The following SPOCK2 variants were observed in gnomAD, a reference collection of about 807,000 sequenced individuals.
SPOCK2 encodes testican-2.
SPOCK2 carries 39 observed loss-of-function variants against 60.1 expected under a neutral mutation model. That is an observed-to-expected ratio of 0.65 (90% confidence interval 0.50 to 0.85). The LOEUF is 0.85. Ranked by LOEUF, SPOCK2 falls within the 40% of genes least tolerant of loss-of-function variation. The pLI is 0.00. For synonymous variants in SPOCK2, 217 were observed against 231.5 expected (o/e 0.94, Z 0.57); for missense variants, 523 against 567.4 (o/e 0.92, Z 0.80).
rs1206104984 is a variant in SPOCK2, at chr10:72,087,440, C to T, written c.189+700G>A. On this transcript the variant is annotated intron_variant, in intron 1 of 10. Transcript: ENST00000373109. This position sits in a 1 kb window ranked among gnomAD's most constrained non-coding sequence, Gnocchi z 4.7. Reference sequence around the variant, plus strand: ...CTTCCTCTGGCTCCGAGCTGCTCCCCTCGCTCCAGGCTGGATTCCCCCCTG... The same window carrying T: ...CTTCCTCTGGCTCCGAGCTGCTCCCTTCGCTCCAGGCTGGATTCCCCCCTG... Among the ~76,000 whole-genome samples, 1 of 152,202 alleles carries T rather than the reference C, an allele frequency of 6.6e-6. No individual in the cohort carries two copies. Among genetic ancestry groups the T allele is most frequent in the East Asian group, 1.9e-4 (1 of 5,174 alleles).
chr10:72,070,204 A>G, intron 5 of SPOCK2, 108 bp downstream of exon 5: 1 of 1,038,384 alleles, frequency 9.6e-7, no homozygotes, highest in Non-Finnish European at 1.4e-6. Flanking sequence ...ATCTGGCCCC[A>G]CCTCAGTCCT....
chr10:72,080,689 A>G (rs201550529), intron 1 of SPOCK2, among the ~76,000 whole-genome samples: 1 of 152,122 alleles, frequency 6.6e-6, no homozygotes, highest in African/African-American at 2.4e-5. Context: ...AGAGGCTGTG[A>G]TAGGCCTGGA....
In SPOCK2 at chr10:72,088,438, G is replaced by C; in HGVS notation, c.-110C>G. 7.7e-7 allele frequency: 1 copy of C among 1,302,232 alleles called. No individual in the cohort carries two copies. Among genetic ancestry groups the C allele is most frequent in the Non-Finnish European group, 1.0e-6 (1 of 981,522 alleles). 80.7% of individuals were successfully genotyped at this position (1,302,232 alleles called of 1,614,324 possible). ...CGCGGCTGTCCTCAGCTCTCCTCCC[G>C]CGGTCTGCCTCCGGTGACTGGCGGA... On this transcript the variant is annotated 5_prime_UTR_variant, in exon 1 of 11. Coordinates refer to ENST00000373109, the MANE Select transcript of SPOCK2 (RefSeq NM_001244950.2).
rs1206219628 is a variant in SPOCK2, at chr10:72,088,379, G to A, written c.-51C>T. On this transcript the variant is annotated 5_prime_UTR_variant, in exon 1 of 11. Coordinates refer to ENST00000373109, the MANE Select transcript of SPOCK2 (RefSeq NM_001244950.2). ...GTCTTGACTTCTGCAGTATTTTAAT[G>A]TCCTTCCTCCCACCCCGCTGCTGGC... 3 of 1,461,814 alleles carry A rather than the reference G, an allele frequency of 2.1e-6. No homozygotes were observed. The highest frequency in any genetic ancestry group is 2.5e-5 in the East Asian group (1 of 40,700). 90.6% of individuals were successfully genotyped at this position (1,461,814 alleles called of 1,614,324 possible). A position where few individuals can be genotyped will look rare whatever the true frequency, so the allele number is the denominator to read the frequency against.
At chr10:72,080,470 G>A (rs773207159) in intron 1 of SPOCK2, among the ~76,000 whole-genome samples, 4 of 152,188 alleles carry the variant, frequency 2.6e-5, no homozygotes, top group Non-Finnish European at 4.4e-5. Context: ...AATAGCCACA[G>A]GGCACAGACA....
chr10:72,066,501 C>A (rs1230406801), intron 8 of SPOCK2, among the ~76,000 whole-genome samples: 1 of 118,204 alleles, frequency 8.5e-6, no homozygotes, highest in South Asian at 2.5e-4. Context: ...CCATGCCTGG[C>A]TATTTTTTTT....
intron 5 of SPOCK2, 41 bp downstream of exon 5, chr10:72,070,271 G>C: frequency 1.9e-6 from 3 of 1,600,654 alleles, no homozygotes; most frequent in Non-Finnish European, 1.7e-6. Flanking sequence ...GTGGCCTCAG[G>C]TGACTCCACC....
intron 4 of SPOCK2, 137 bp from the exon 5 acceptor site, chr10:72,070,563 C>G (rs944654558): frequency 2.5e-5 from 18 of 727,724 alleles, no homozygotes; most frequent in Non-Finnish European, 4.2e-5. Context: ...CTGCCCCTGC[C>G]CACCCTCCCC....
At chr10:72,081,056 A>G (rs1840777555) in intron 1 of SPOCK2, among the ~76,000 whole-genome samples, 2 of 152,242 alleles carry the variant, frequency 1.3e-5, no homozygotes, top group South Asian at 4.1e-4. Context: ...GGGGGTCAGA[A>G]TTCAAGCCCA....
chr10:72,073,148 C>T (rs527639956), intron 1 of SPOCK2, among the ~76,000 whole-genome samples: 5 of 152,270 alleles, frequency 3.3e-5, no homozygotes, highest in East Asian at 1.9e-4. Context: ...AGCAGGGGCC[C>T]GTGGCTTTGA....
chr10:72,062,606 G>A lies in SPOCK2; in HGVS notation c.*154C>T. The A allele has an allele frequency of 2.8e-6, 4 of 1,405,566 alleles. No homozygotes were observed. The South Asian group carries it at 4.2e-5, about 15-fold the overall frequency. The allele number at this position is 1,405,566 out of a possible 1,614,324, so 87.1% of individuals were successfully genotyped here. A position where few individuals can be genotyped will look rare whatever the true frequency, so the allele number is the denominator to read the frequency against. On this transcript the variant is annotated 3_prime_UTR_variant, in exon 11 of 11. Coordinates refer to ENST00000373109, the MANE Select transcript of SPOCK2 (RefSeq NM_001244950.2). This position sits in a 1 kb window ranked among gnomAD's most constrained non-coding sequence, Gnocchi z 4.3. The stretch of plus-strand genomic sequence containing the variant: ...ACACTGTCACCCGTCCCAGCCATCT[G>A]TGCCACACACATGCCATGCACACTC...
chr10:72,063,076 G>C lies in SPOCK2; in HGVS notation c.1078C>G (p.Gln360Glu). 1.3e-6 allele frequency: 2 copies of C among 1,554,748 alleles called. No individual in the cohort carries two copies. Among genetic ancestry groups the C allele is most frequent in the Non-Finnish European group, 1.7e-6 (2 of 1,148,724 alleles). Reference sequence around the variant, plus strand: ...GTGCCAGTCAGCTCCAGGCCCAGCTGGTCCACACACCAGCAGTCACCGCTG... The same window carrying C: ...GTGCCAGTCAGCTCCAGGCCCAGCTCGTCCACACACCAGCAGTCACCGCTG... ...QSSGDCWCVDQLGLELTGTRT... is the reference protein window; with the variant it reads ...QSSGDCWCVDELGLELTGTRT... The change falls in exon 10 of 11, where the codon CAG (glutamine) becomes GAG (glutamate). Residue 360 changes from glutamine (Q) to glutamate (E), a missense_variant. Physicochemically the swap from Gln to Glu is conservative, Grantham distance 29. Coordinates refer to ENST00000373109, the MANE Select transcript of SPOCK2 (RefSeq NM_001244950.2).
intron 1 of SPOCK2, among the ~76,000 whole-genome samples, chr10:72,077,718 T>C (rs1212669527): frequency 6.6e-6 from 1 of 152,218 alleles, no homozygotes; most frequent in Non-Finnish European, 1.5e-5. Flanking sequence ...CAAGGTGTGC[T>C]GAGGAGCAGG....
At chr10:72,075,628 G>A (rs906790258) in intron 1 of SPOCK2, among the ~76,000 whole-genome samples, 1 of 152,184 alleles carries the variant, frequency 6.6e-6, no homozygotes, top group Non-Finnish European at 1.5e-5. Flanking sequence ...TTCTAAGAAA[G>A]GGGCTTTCCC....
chr10:72,080,457 G>A (rs905901903), intron 1 of SPOCK2, among the ~76,000 whole-genome samples: 1 of 152,144 alleles, frequency 6.6e-6, no homozygotes, highest in African/African-American at 2.4e-5. Flanking sequence ...TGCCCTCCCT[G>A]GAAATAGCCA....
chr10:72,077,046 T>C (rs764442921), intron 1 of SPOCK2, among the ~76,000 whole-genome samples: 27 of 152,148 alleles, frequency 1.8e-4, no homozygotes, highest in Non-Finnish European at 2.2e-4. Flanking sequence ...CCACGGTGTG[T>C]CCTCAAAGAA....
At chr10:72,083,160 T>C (rs946641319) in intron 1 of SPOCK2, among the ~76,000 whole-genome samples, 1 of 152,190 alleles carries the variant, frequency 6.6e-6, no homozygotes. Flanking sequence ...GGTCTCCAGC[T>C]AATATACACC....
intron 1 of SPOCK2, among the ~76,000 whole-genome samples, chr10:72,077,778 T>G (rs577640697): frequency 6.6e-6 from 1 of 152,186 alleles, no homozygotes; most frequent in Non-Finnish European, 1.5e-5. Flanking sequence ...GGCCCGTTCC[T>G]GGAGCACGCT....
At chr10:72,077,685 A>C (rs946371841) in intron 1 of SPOCK2, among the ~76,000 whole-genome samples, 1 of 152,172 alleles carries the variant, frequency 6.6e-6, no homozygotes, top group Non-Finnish European at 1.5e-5. Flanking sequence ...CCTCCCTCCG[A>C]GGGTGCCTCA....
Sources: allele counts gnomAD v4.1 joint callset (sites outside exome capture counted in the v4.1 genomes callset), GRCh38; gene constraint gnomAD v4.1.1; non-coding constraint Gnocchi (gnomAD v3.1); transcripts MANE v1.5; gene names NCBI Gene and HGNC (gene_info 2026-07-23, HGNC 2026-07-21).